Variants in CSMD1 observed in about 807,000 individuals in gnomAD.
CSMD1 encodes CUB and Sushi multiple domains 1.
Under a neutral mutation model 417.5 loss-of-function variants are expected in CSMD1, and 213 were observed. The ratio of observed to expected loss-of-function variants is 0.51; its 90% CI spans 0.46 to 0.57. CSMD1 has a LOEUF of 0.57. Ranked by LOEUF, CSMD1 falls within the 20% of genes least tolerant of loss-of-function variation. CSMD1 has a pLI of 0.00. For synonymous variants in CSMD1, 2,862 were observed against 1,736.8 expected, an observed-to-expected ratio of 1.65 and a Z score of -16.11; for missense variants, 6,923 against 4,529.7, an observed-to-expected ratio of 1.53 and a Z score of -15.17.
intron 3 of CSMD1, among the ~76,000 whole-genome samples, chr8:4,128,649 A>G (rs989693144): frequency 6.6e-6 from 1 of 152,100 alleles, no homozygotes; most frequent in African/African-American, 2.4e-5. Flanking sequence ...AGCTCTCCAC[A>G]TGGAAATATG....
chr8:4,129,699 G>C (rs905002807), intron 3 of CSMD1, among the ~76,000 whole-genome samples: 13 of 152,160 alleles, frequency 8.5e-5, no homozygotes, highest in African/African-American at 3.1e-4. Context: ...TGTTATACAA[G>C]TCCATTTTCA....
At chr8:3,373,397 G>A (rs1242081607) in intron 18 of CSMD1, 1 of 152,180 alleles carries the variant, frequency 6.6e-6, no homozygotes, top group Non-Finnish European at 1.5e-5. Flanking sequence ...GGCTTGTTTA[G>A]ATTTATATGG....
chr8:3,146,822 G>A (rs530612334), intron 40 of CSMD1, among the ~76,000 whole-genome samples: 26 of 152,154 alleles, frequency 1.7e-4, no homozygotes, highest in Non-Finnish European at 2.8e-4. Context: ...ATTGTGGCTC[G>A]ATCCATGGGA....
intron 9 of CSMD1, among the ~76,000 whole-genome samples, chr8:3,585,832 CAT>C (rs768252887): frequency 1.3e-5 from 2 of 152,136 alleles, no homozygotes; most frequent in Non-Finnish European, 2.9e-5. Context: ...AGCTGTGGGA[CAT>C]ATATTCACAC....
At chr8:4,557,584 ATG>A (rs141132513) in intron 2 of CSMD1, among the ~76,000 whole-genome samples, 15,044 of 152,018 alleles carry the variant, frequency 0.099, 859 homozygotes, top group African/African-American at 0.16. Flanking sequence ...GATACTTAAA[ATG>A]TGTGTGTGTT....
At chr8:3,779,846 T>G (rs1442313067) in intron 5 of CSMD1, among the ~76,000 whole-genome samples, 1 of 152,216 alleles carries the variant, frequency 6.6e-6, no homozygotes, top group Non-Finnish European at 1.5e-5. Flanking sequence ...AAATAGTTGT[T>G]TAAGGTGTTC....
intron 3 of CSMD1, among the ~76,000 whole-genome samples, chr8:4,128,453 T>C (rs368546891): frequency 2.0e-5 from 3 of 152,294 alleles, no homozygotes; most frequent in African/African-American, 7.2e-5. Context: ...AATGCACATA[T>C]GCCATTCCAC....
chr8:4,216,881 C>G (rs1041824251), intron 3 of CSMD1, among the ~76,000 whole-genome samples: 1 of 152,062 alleles, frequency 6.6e-6, no homozygotes, highest in East Asian at 1.9e-4. Context: ...CCCTTTTTTC[C>G]TTCTTTTCTT....
At position 4,866,068 on chromosome 8, in the gene CSMD1, G is replaced by A. The variant is rs186232796; in HGVS notation, c.85+128264C>T. ...CAGTTTTTGACACCTTAATGGTTCT[G>A]TGCCTATGTGAACCATCAATAACAG... On this transcript the variant is annotated intron_variant, in intron 1 of 69. Coordinates refer to ENST00000635120, the MANE Select transcript of CSMD1 (RefSeq NM_033225.6). Among the ~76,000 whole-genome samples the A allele has an allele frequency of 1.7e-3, 263 of 152,008 alleles. 2 individuals are homozygous for A. Among genetic ancestry groups the A allele is most frequent in the African/African-American group, 5.9e-3 (245 of 41,466 alleles).
At chr8:4,849,054 A>C (rs1369890375) in intron 1 of CSMD1, among the ~76,000 whole-genome samples, 2 of 152,222 alleles carry the variant, frequency 1.3e-5, no homozygotes, top group African/African-American at 4.8e-5. Context: ...ATAGTCCCTG[A>C]AGACCTTCTA....
chr8:4,177,352 G>C (rs1294681160), intron 3 of CSMD1, among the ~76,000 whole-genome samples: 3 of 151,886 alleles, frequency 2.0e-5, no homozygotes, highest in Non-Finnish European at 4.4e-5. Context: ...ACGAAATGAC[G>C]GCAGAAATAA....
chr8:4,059,834 A>G (rs1357609303), intron 3 of CSMD1, among the ~76,000 whole-genome samples: 4 of 149,884 alleles, frequency 2.7e-5, no homozygotes, highest in Admixed American at 6.6e-5. Flanking sequence ...CCAGGACCAG[A>G]TGGATTCACA....
intron 15 of CSMD1, among the ~76,000 whole-genome samples, chr8:3,403,022 T>C (rs376006557): frequency 1.3e-5 from 2 of 152,198 alleles, no homozygotes; most frequent in Admixed American, 1.3e-4. Flanking sequence ...TGAGTTTCTC[T>C]TTAATGTAAA....
intron 7 of CSMD1, among the ~76,000 whole-genome samples, chr8:3,690,085 G>T (rs113130381): frequency 1.1e-4 from 16 of 152,184 alleles, no homozygotes; most frequent in Admixed American, 9.8e-4. Context: ...TAGGCTGCGC[G>T]TAGTGGCCAA....
chr8:3,893,415 A>C (rs1807133661), intron 5 of CSMD1, among the ~76,000 whole-genome samples: 1 of 146,178 alleles, frequency 6.8e-6, no homozygotes, highest in Non-Finnish European at 1.5e-5. Flanking sequence ...AGCTTAACAA[A>C]ATCTGGATCA....
intron 27 of CSMD1, among the ~76,000 whole-genome samples, chr8:3,227,589 T>G (rs1798589014): frequency 6.6e-6 from 1 of 152,108 alleles, no homozygotes; most frequent in Non-Finnish European, 1.5e-5. Context: ...TATTGGTAGA[T>G]TCAAACAAAT....
intron 26 of CSMD1, among the ~76,000 whole-genome samples, chr8:3,239,529 T>C (rs562512260): frequency 8.5e-5 from 13 of 152,294 alleles, no homozygotes; most frequent in African/African-American, 2.9e-4. Context: ...TTGCCAGTCT[T>C]GGGCAGGGGC....
chr8:3,535,318 CT>C (rs1379422007), intron 10 of CSMD1, among the ~76,000 whole-genome samples: 1 of 151,956 alleles, frequency 6.6e-6, no homozygotes. Flanking sequence ...TACTTTCTAT[CT>C]TTCTATATAC....
intron 23 of CSMD1, among the ~76,000 whole-genome samples, chr8:3,324,567 A>G (rs143908246): frequency 9.4e-3 from 1,381 of 146,420 alleles, no homozygotes; most frequent in African/African-American, 0.033. Flanking sequence ...AAATAGACAC[A>G]CATCTAACCC....
Sources: gnomAD v4.1 joint callset for allele counts (sites outside exome capture counted in the v4.1 genomes callset) on GRCh38, gnomAD v4.1.1 for gene constraint, MANE v1.5 for transcripts, NCBI Gene and HGNC (gene_info 2026-07-23, HGNC 2026-07-21) for gene names.